Variants in IGF2R observed in about 807,000 individuals in gnomAD.
The protein encoded by IGF2R is cation-independent mannose-6-phosphate receptor.
Under a neutral mutation model 270.6 loss-of-function variants are expected in IGF2R, and 91 were observed. The ratio of observed to expected loss-of-function variants is 0.34; its 90% CI spans 0.28 to 0.40. The LOEUF is 0.40. IGF2R is among the 10% of genes least tolerant of loss of function. The pLI is 1.00. For synonymous variants in IGF2R, 1,316 were observed against 1,258.9 expected, an observed-to-expected ratio of 1.05 and a Z score of -0.96; for missense variants, 2,805 against 3,188.3, an observed-to-expected ratio of 0.88 and a Z score of 2.90.
At chr6:160,062,171 T>A (rs1430238600) in intron 25 of IGF2R, among the ~76,000 whole-genome samples, 1 of 132,224 alleles carries the variant, frequency 7.6e-6, no homozygotes, top group East Asian at 2.0e-4. Context: ...TTATTTAATT[T>A]TTTTTTTTTT....
chr6:160,078,149 A>C, intron 36 of IGF2R, 52 bp from the exon 37 acceptor site: 1 of 1,588,928 alleles, frequency 6.3e-7, no homozygotes, highest in Non-Finnish European at 8.6e-7. Context: ...TGTCACTGCT[A>C]TCTATCCCTA....
At chr6:160,100,326 G>A (rs1321978561) in intron 45 of IGF2R, among the ~76,000 whole-genome samples, 1 of 152,100 alleles carries the variant, frequency 6.6e-6, no homozygotes, top group Non-Finnish European at 1.5e-5. Flanking sequence ...CTGAAAGAAA[G>A]CTGCAGTAGT....
rs201000843 is a variant in IGF2R, at chr6:160,068,403, C to T, written c.4252+18C>T. On this transcript the variant is annotated intron_variant, in intron 30 of 47. Coordinates refer to ENST00000356956, the MANE Select transcript of IGF2R (RefSeq NM_000876.4). ...TGGCACTGGTGAGAGAGGGCCTCCTCGTGGGGTGGTGTTTGCAGTGAGTGT... is the reference window on the plus strand; with the variant it reads ...TGGCACTGGTGAGAGAGGGCCTCCTTGTGGGGTGGTGTTTGCAGTGAGTGT... The T allele has an allele frequency of 4.8e-5, 77 of 1,612,558 alleles. 1 individual carries two copies. Among genetic ancestry groups the T allele is most frequent in the Non-Finnish European group, 5.9e-5 (70 of 1,179,816 alleles).
rs73598443 is a variant in IGF2R, at chr6:160,098,110, A to G, written c.6842+1485A>G. 2.0e-3 allele frequency among the ~76,000 whole-genome samples: 305 copies of G among 152,308 alleles called. 1 individual carries two copies. The highest frequency in any genetic ancestry group is 7.0e-3 in the African/African-American group (291 of 41,568). On this transcript the variant is annotated intron_variant, in intron 45 of 47. Coordinates refer to ENST00000356956, the MANE Select transcript of IGF2R (RefSeq NM_000876.4). ...CTGCATTCTCTGTCATGGAGAGGCT[A>G]CAGCTGCCATGAGATGAATCCTGCC... is the stretch of plus-strand genomic sequence containing the variant.
Position 160,046,653 on chromosome 6 carries a change from G to C in IGF2R, c.2051+8G>C, listed in dbSNP as rs756285848. ...CTGCCAGGTGGCAAAAAGGCAAGTA[G>C]CTTCTCAGTTCTGTTTCATTCTTAG... On this transcript the variant is annotated splice_region_variant and intron_variant, in intron 15 of 47. Transcript: ENST00000356956. The C allele has an allele frequency of 1.2e-6, 2 of 1,611,266 alleles. No homozygotes were observed. Among genetic ancestry groups the C allele is most frequent in the Non-Finnish European group, 1.7e-6 (2 of 1,179,410 alleles).
intron 4 of IGF2R, among the ~76,000 whole-genome samples, chr6:160,022,111 A>G (rs1777452045): frequency 6.6e-6 from 1 of 152,272 alleles, no homozygotes; most frequent in East Asian, 1.9e-4. Context: ...TATTGGTGGA[A>G]CTTGAGGCCA....
chr6:159,984,057 A>G (rs3798197), intron 1 of IGF2R, among the ~76,000 whole-genome samples: 54,005 of 152,062 alleles, frequency 0.36, 10,284 homozygotes, highest in East Asian at 0.71. Context: ...GTTGATCAGC[A>G]TGATGTGATG....
chr6:159,996,014 G>A (rs1385622175), intron 2 of IGF2R, among the ~76,000 whole-genome samples: 1 of 145,186 alleles, frequency 6.9e-6, no homozygotes, highest in East Asian at 2.0e-4. Context: ...TTTTTCCCTT[G>A]AGAATGTGAA....
At chr6:160,029,990 T>A (rs1168545982) in intron 7 of IGF2R, among the ~76,000 whole-genome samples, 1 of 152,190 alleles carries the variant, frequency 6.6e-6, no homozygotes, top group African/African-American at 2.4e-5. Flanking sequence ...TTGGGTTGTT[T>A]TAGTGAATAG....
Position 159,994,169 on chromosome 6 carries a change from C to T in IGF2R, c.289+2846C>T, listed in dbSNP as rs868308303. Reference sequence around the variant, plus strand: ...GTCTTTTCAGGATTTCTGTTTCTTCCGATTCAATCTTGGGAGGTTGTATGT... The same window carrying T: ...GTCTTTTCAGGATTTCTGTTTCTTCTGATTCAATCTTGGGAGGTTGTATGT... On this transcript the variant is annotated intron_variant, in intron 2 of 47. Transcript: ENST00000356956. Among the ~76,000 whole-genome samples the T allele has an allele frequency of 7.3e-5, 11 of 151,624 alleles. No individual in the cohort carries two copies. In the East Asian group the frequency reaches 9.7e-4, roughly 13 times the overall value.
rs2115287540 is a variant in IGF2R, at chr6:160,084,040, G to A, written c.5924G>A (p.Cys1975Tyr). ...CAAGTCTTCAGTGAAGTGCGTGGGT[G>A]TGATGTGACATTTGAGTGGAAAACA... Reference protein sequence around the residue: ...RPQVFSEVRGCDVTFEWKTKV... With the variant: ...RPQVFSEVRGYDVTFEWKTKV... The change falls in exon 40 of 48, where the codon TGT becomes TAT. Residue 1975 changes from cysteine to tyrosine, a missense_variant. Cys to Tyr is a radical substitution (Grantham distance 194, BLOSUM62 -2). Transcript: ENST00000356956. The surrounding 1 kb of genome is among the most constrained non-coding windows in gnomAD (Gnocchi z 4.6). 1 of 1,614,144 alleles carries A rather than the reference G, an allele frequency of 6.2e-7. No homozygotes were observed. Among genetic ancestry groups the A allele is most frequent in the African/African-American group, 1.3e-5 (1 of 75,054 alleles).
At chr6:160,065,000 G>T in intron 29 of IGF2R, 99 bp downstream of exon 29, 2 of 785,588 alleles carry the variant, frequency 2.5e-6, no homozygotes, top group Non-Finnish European at 4.4e-6. Context: ...AGATTAGTCA[G>T]TTAATTTACC....
At chr6:160,013,233 CA>C (rs1481768077) in intron 4 of IGF2R, among the ~76,000 whole-genome samples, 1 of 151,808 alleles carries the variant, frequency 6.6e-6, no homozygotes, top group Non-Finnish European at 1.5e-5. Context: ...TTCAATGGGT[CA>C]GAAATCACCA....
chr6:160,001,832 A>T (rs1213372260), intron 2 of IGF2R, among the ~76,000 whole-genome samples: 1 of 152,188 alleles, frequency 6.6e-6, no homozygotes, highest in African/African-American at 2.4e-5. Context: ...CCCATTTGCA[A>T]CCTAATTATT....
chr6:160,033,134 T>C (rs1168904777), intron 9 of IGF2R, 27 bp downstream of exon 9: 1 of 1,583,034 alleles, frequency 6.3e-7, no homozygotes, highest in African/African-American at 1.4e-5. Flanking sequence ...TGTGCGATTT[T>C]CCTTTTTCTT....
chr6:160,094,062 T>C (rs1779292002), intron 44 of IGF2R: 2 of 541,506 alleles, frequency 3.7e-6, no homozygotes, highest in South Asian at 3.2e-5. Flanking sequence ...AGTCCTCCTG[T>C]CCACCAGCCC....
At chr6:159,990,853 C>T (rs771907068) in intron 1 of IGF2R, among the ~76,000 whole-genome samples, 5 of 152,154 alleles carry the variant, frequency 3.3e-5, no homozygotes, top group Admixed American at 6.5e-5. Flanking sequence ...TGGTCTTGAA[C>T]GCCTGACCTC....
At position 160,061,622 on chromosome 6, in the gene IGF2R, C is replaced by G; in HGVS notation, c.3382C>G (p.Leu1128Val). 1 of 1,614,204 alleles carries G rather than the reference C, an allele frequency of 6.2e-7. No homozygotes were observed. Among genetic ancestry groups the G allele is most frequent in the South Asian group, 1.1e-5 (1 of 91,082 alleles). The change falls in exon 24 of 48, where the codon CTC (leucine) becomes GTC (valine). Residue 1128 changes from leucine (L) to valine (V), a missense_variant. This residue lies in a region of IGF2R where 1,851 missense variants were observed against 2,207.2 expected (regional missense o/e 0.84). Transcript: ENST00000356956. Reference sequence around the variant, plus strand: ...TTTCTATTTGAGCGTTTGCAATCCTCTCCCTTACATTCCTGGATGCCAGGG... The same window carrying G: ...TTTCTATTTGAGCGTTTGCAATCCTGTCCCTTACATTCCTGGATGCCAGGG... The part of the protein sequence containing the change: ...RTFYLSVCNP[L>V]PYIPGCQGSA...
rs945853151 is a variant in IGF2R, at chr6:159,976,632, C to G, written c.149+7237C>G. Reference sequence around the variant, plus strand: ...TCTTTCTTCGGAGTACCATACCACTCATAGATTCTGATACTTTTTTTTTTC... The same window carrying G: ...TCTTTCTTCGGAGTACCATACCACTGATAGATTCTGATACTTTTTTTTTTC... On this transcript the variant is annotated intron_variant, in intron 1 of 47. Transcript: ENST00000356956. Among the ~76,000 whole-genome samples, 7 of 152,198 alleles carry G rather than the reference C, an allele frequency of 4.6e-5. No homozygotes were observed. The South Asian group carries it at 1.2e-3, about 27-fold the overall frequency.
Sources: gnomAD v4.1 joint callset for allele counts (sites outside exome capture counted in the v4.1 genomes callset) on GRCh38, gnomAD v4.1.1 for gene constraint, gnomAD v4.1.1 regional missense constraint, Gnocchi (gnomAD v3.1) non-coding constraint, MANE v1.5 for transcripts, NCBI Gene and HGNC (gene_info 2026-07-23, HGNC 2026-07-21) for gene names.